PDE4D: variants seen among roughly 807,000 people sequenced by gnomAD.
The protein encoded by PDE4D is phosphodiesterase 4D, also known as 3',5'-cyclic-AMP phosphodiesterase 4D.
PDE4D carries 24 observed loss-of-function variants against 87.4 expected under a neutral mutation model. The ratio of observed to expected loss-of-function variants is 0.27; its 90% CI spans 0.20 to 0.39. PDE4D has a LOEUF of 0.39. PDE4D is among the 10% of genes least tolerant of loss of function. The probability of loss-of-function intolerance (pLI) is 1.00; values close to 1 mark genes in which losing one functional copy is unlikely to be tolerated. For missense variants in PDE4D, 714 were observed against 1,041.0 expected (o/e 0.69, Z 4.32); for synonymous variants, 384 against 383.2 (o/e 1.00, Z -0.02).
rs145298821 is a variant in PDE4D at position 59,001,138 on chromosome 5, A to G, written c.922-7673T>C. 9.8e-4 allele frequency among the ~76,000 whole-genome samples: 150 copies of G among 152,346 alleles called. 2 individuals carry two copies. Among genetic ancestry groups the G allele is most frequent in the African/African-American group, 3.2e-3 (134 of 41,588 alleles). On this transcript the variant is annotated intron_variant, in intron 6 of 14. Coordinates refer to ENST00000340635, the MANE Select transcript of PDE4D (RefSeq NM_001104631.2). ...TCTTTCTAGAAAAACAGCATTTTCT[A>G]TTTGGTTTGGTGTAGTATTACCCTG...
At chr5:59,759,080 T>C (rs1334692790) in intron 1 of PDE4D, among the ~76,000 whole-genome samples, 6 of 152,122 alleles carry the variant, frequency 3.9e-5, no homozygotes, top group African/African-American at 1.4e-4. Flanking sequence ...GACATTATTT[T>C]GCTACATTAG....
At chr5:59,139,292 G>A (rs1777560384) in intron 5 of PDE4D, among the ~76,000 whole-genome samples, 1 of 152,190 alleles carries the variant, frequency 6.6e-6, no homozygotes, top group Admixed American at 6.5e-5. Context: ...GACAATGTTT[G>A]TTACTCCATT....
Position 60,105,642 on chromosome 5 carries a change from C to T in PDE4D, c.42+79915G>A, listed in dbSNP as rs1212571957. 2.6e-5 allele frequency among the ~76,000 whole-genome samples: 4 copies of T among 152,112 alleles called. No individual in the cohort carries two copies. The East Asian group carries it at 7.7e-4, about 29-fold the overall frequency. ...GTTGGGTTACCTACAAAGGGAAGCCCATCAGACTAACAGCAGATCTCTTGG... is the reference window on the plus strand; with the variant it reads ...GTTGGGTTACCTACAAAGGGAAGCCTATCAGACTAACAGCAGATCTCTTGG... On this transcript the variant is annotated intron_variant, in intron 2 of 16. Coordinates refer to the PDE4D transcript ENST00000502484.
At chr5:59,611,603 A>G (rs962815227) in intron 1 of PDE4D, among the ~76,000 whole-genome samples, 4 of 152,152 alleles carry the variant, frequency 2.6e-5, no homozygotes, top group Non-Finnish European at 5.9e-5. Flanking sequence ...ACTGTTACAC[A>G]ATCTCCCTAG....
chr5:59,076,949 A>G (rs1223557080), intron 5 of PDE4D, among the ~76,000 whole-genome samples: 2 of 152,216 alleles, frequency 1.3e-5, no homozygotes, highest in African/African-American at 4.8e-5. Context: ...CACAACATAT[A>G]TATTGATATC....
intron 1 of PDE4D, among the ~76,000 whole-genome samples, chr5:60,411,513 T>C (rs1742043085): frequency 1.3e-5 from 2 of 152,150 alleles, no homozygotes; most frequent in African/African-American, 4.8e-5. Context: ...AATTATTATA[T>C]AAAACCAAGG....
chr5:59,762,944 A>G (rs973332165), intron 1 of PDE4D, among the ~76,000 whole-genome samples: 1 of 147,236 alleles, frequency 6.8e-6, no homozygotes, highest in African/African-American at 2.5e-5. Context: ...ATATATATAC[A>G]TGTACCATCT....
At chr5:59,430,529 G>A in intron 1 of PDE4D, 2 of 813,594 alleles carry the variant, frequency 2.5e-6, no homozygotes, top group Non-Finnish European at 3.3e-6. Context: ...GCTGCTCACT[G>A]GTTGCCCGGT....
At chr5:60,151,190 T>C (rs977370352) in intron 2 of PDE4D, among the ~76,000 whole-genome samples, 22 of 152,044 alleles carry the variant, frequency 1.4e-4, no homozygotes, top group Non-Finnish European at 2.5e-4. Context: ...AAACATAGAG[T>C]AAACAAAAAA....
chr5:59,917,330 G>A (rs572647756), intron 3 of PDE4D, among the ~76,000 whole-genome samples: 196 of 152,138 alleles, frequency 1.3e-3, no homozygotes, highest in African/African-American at 4.5e-3. Context: ...TGTGACTCAT[G>A]GCTTAGCTGG....
intron 5 of PDE4D, among the ~76,000 whole-genome samples, chr5:59,144,564 T>G (rs1185855119): frequency 6.6e-6 from 1 of 152,202 alleles, no homozygotes; most frequent in African/African-American, 2.4e-5. Flanking sequence ...TTATTAAAAT[T>G]AGCTTCATAG....
intron 1 of PDE4D, among the ~76,000 whole-genome samples, chr5:60,437,135 G>T (rs368718311): frequency 7.9e-5 from 12 of 152,008 alleles, no homozygotes; most frequent in African/African-American, 2.9e-4. Flanking sequence ...ACTCTATCTG[G>T]TTGTTGTGAT....
At chr5:59,952,281 C>G (rs1758374342) in intron 3 of PDE4D, among the ~76,000 whole-genome samples, 1 of 152,078 alleles carries the variant, frequency 6.6e-6, no homozygotes, top group Non-Finnish European at 1.5e-5. Flanking sequence ...TATAAATTAC[C>G]CAGTCTCAGG....
At chr5:60,213,549 G>A (rs1437371412) in intron 1 of PDE4D, among the ~76,000 whole-genome samples, 2 of 152,026 alleles carry the variant, frequency 1.3e-5, no homozygotes, top group Admixed American at 1.3e-4. Flanking sequence ...GATTCTTTTC[G>A]CAATTCTCTG....
intron 6 of PDE4D, among the ~76,000 whole-genome samples, chr5:59,036,468 G>A (rs1192658599): frequency 2.0e-5 from 3 of 152,216 alleles, no homozygotes; most frequent in Non-Finnish European, 4.4e-5. Flanking sequence ...ACTGAGTGGA[G>A]ATGATGCAAG....
chr5:60,069,143 T>A (rs981404999), intron 2 of PDE4D, among the ~76,000 whole-genome samples: 1 of 152,300 alleles, frequency 6.6e-6, no homozygotes, highest in Non-Finnish European at 1.5e-5. Flanking sequence ...TTATCAAACG[T>A]CAGTTGACTG....
intron 1 of PDE4D, among the ~76,000 whole-genome samples, chr5:60,219,668 G>A (rs889226062): frequency 2.6e-5 from 4 of 152,148 alleles, no homozygotes; most frequent in East Asian, 1.9e-4. Context: ...CTTGAGTTAC[G>A]TTTTGAAATG....
intron 1 of PDE4D, among the ~76,000 whole-genome samples, chr5:60,384,810 T>C (rs1402037805): frequency 6.6e-6 from 1 of 152,174 alleles, no homozygotes; most frequent in East Asian, 1.9e-4. Context: ...CAACTAGTCC[T>C]CTTCCCCAAT....
intron 2 of PDE4D, among the ~76,000 whole-genome samples, chr5:60,076,172 T>A (rs930422644): frequency 4.6e-5 from 7 of 152,104 alleles, no homozygotes; most frequent in African/African-American, 1.7e-4. Flanking sequence ...GAATTTTTTT[T>A]TTTTGAGATG....
Sources: allele counts gnomAD v4.1 joint callset (sites outside exome capture counted in the v4.1 genomes callset), GRCh38; gene constraint gnomAD v4.1.1; transcripts MANE v1.5; gene names NCBI Gene and HGNC (gene_info 2026-07-23, HGNC 2026-07-21).